COL4A1: variants seen among roughly 807,000 people sequenced by gnomAD.
COL4A1 encodes the protein collagen type IV alpha 1 chain, also known as collagen alpha-1(IV) chain.
A neutral mutation model predicts 216.6 loss-of-function variants in COL4A1; 40 were observed. The ratio of observed to expected loss-of-function variants is 0.18; its 90% CI spans 0.14 to 0.24. The LOEUF is 0.24. Ranked by LOEUF, COL4A1 falls within the 10% of genes least tolerant of loss-of-function variation. The pLI is 1.00. For synonymous variants in COL4A1, 839 were observed against 810.7 expected, an observed-to-expected ratio of 1.03 and a Z score of -0.59; for missense variants, 1,628 against 2,196.8, an observed-to-expected ratio of 0.74 and a Z score of 5.18.
chr13:110,275,931 G>A (rs1883410763), intron 1 of COL4A1, among the ~76,000 whole-genome samples: 2 of 152,140 alleles, frequency 1.3e-5, no homozygotes. Context: ...AATAGGCAGA[G>A]GATGGAGGAA....
In COL4A1 at chr13:110,192,262, G is replaced by A; in HGVS notation, c.1488C>T (p.Ala496=). 6.2e-7 allele frequency: 1 copy of A among 1,614,152 alleles called. No homozygotes were observed. Among genetic ancestry groups the A allele is most frequent in the Non-Finnish European group, 8.5e-7 (1 of 1,180,024 alleles). The change falls in exon 24 of 52, where the codon GCC becomes GCT. Residue 496 remains alanine (A), a synonymous_variant. Transcript: ENST00000375820. ...TGCCAGGCAAACCTCTGTCGCCCTTGGCCCCTGGCTGCCCTGGGAAACCTT... is the reference window on the plus strand; with the variant it reads ...TGCCAGGCAAACCTCTGTCGCCCTTAGCCCCTGGCTGCCCTGGGAAACCTT... The part of the protein sequence containing the change: ...GEIGFPGQPG[A]KGDRGLPGRD...
At chr13:110,186,192 C>T (rs903697358) in intron 26 of COL4A1, among the ~76,000 whole-genome samples, 193 bp downstream of exon 26, 1 of 152,186 alleles carries the variant, frequency 6.6e-6, no homozygotes, top group Admixed American at 6.5e-5. Flanking sequence ...ATTACCTGGC[C>T]CATCACATAC....
chr13:110,150,573 C>A (rs1876455455), intron 51 of COL4A1, 129 bp from the exon 52 acceptor site: 3 of 881,302 alleles, frequency 3.4e-6, no homozygotes, highest in South Asian at 2.8e-5. Flanking sequence ...CAACCTGGTA[C>A]CACCCAGTGA....
chr13:110,279,501 C>T (rs1161885724), intron 1 of COL4A1, among the ~76,000 whole-genome samples: 1 of 152,120 alleles, frequency 6.6e-6, no homozygotes, highest in Non-Finnish European at 1.5e-5. Flanking sequence ...TTGCTCAGTT[C>T]CCCATATCCT....
chr13:110,163,984 CTTTTTTT>C (rs58236306), intron 46 of COL4A1, among the ~76,000 whole-genome samples: 40,717 of 110,326 alleles, frequency 0.37, 5,589 homozygotes, highest in Middle Eastern at 0.41. Context: ...TTCTCTCTCT[CTTTTTTT>C]TTTTTTTTTT....
intron 1 of COL4A1, among the ~76,000 whole-genome samples, chr13:110,297,952 C>T (rs1206904534): frequency 1.3e-5 from 2 of 151,422 alleles, no homozygotes; most frequent in African/African-American, 2.4e-5. Context: ...GAGAAATGGG[C>T]CTTTGGTTAC....
intron 49 of COL4A1, among the ~76,000 whole-genome samples, chr13:110,160,033 TGGTA>T (rs1876995946): frequency 6.6e-6 from 1 of 152,152 alleles, no homozygotes. Flanking sequence ...ATGGCGGTGA[TGGTA>T]AAACAACACT....
At chr13:110,251,091 A>G (rs992575082) in intron 1 of COL4A1, among the ~76,000 whole-genome samples, 5 of 152,112 alleles carry the variant, frequency 3.3e-5, no homozygotes, top group Admixed American at 6.5e-5. Context: ...AAGAACAGCA[A>G]ATTTTACCCA....
At chr13:110,250,511 G>A (rs886829082) in intron 1 of COL4A1, among the ~76,000 whole-genome samples, 3 of 152,238 alleles carry the variant, frequency 2.0e-5, no homozygotes, top group Non-Finnish European at 2.9e-5. Context: ...CCCACTAAAC[G>A]GGGGTGGACA....
At chr13:110,241,336 G>C (rs981755303) in intron 2 of COL4A1, among the ~76,000 whole-genome samples, 23 of 152,176 alleles carry the variant, frequency 1.5e-4, no homozygotes, top group African/African-American at 5.3e-4. Context: ...CTTGGCTCCA[G>C]CCCTGCTGCT....
At chr13:110,177,058 A>G (rs1262532547) in intron 33 of COL4A1, 21 bp from the exon 34 acceptor site, 2 of 1,613,030 alleles carry the variant, frequency 1.2e-6, no homozygotes, top group Admixed American at 3.3e-5. Context: ...AAGAGAAGGC[A>G]CTGGTGAGCC....
In COL4A1 at chr13:110,167,213, T is replaced by C; in HGVS notation, c.3894A>G (p.Pro1298=). 1 of 1,613,958 alleles carries C rather than the reference T, an allele frequency of 6.2e-7. No homozygotes were observed. Among genetic ancestry groups the C allele is most frequent in the Non-Finnish European group, 8.5e-7 (1 of 1,179,838 alleles). Residue 1298 remains proline (P), a synonymous_variant, in exon 44 of 52, where the codon CCA becomes CCG. Transcript: ENST00000375820. ...FQGMPGIGGS[P]GITGSKGDMG... is the part of the protein sequence containing the mutation. ...TATCACCCTTAGAGCCTGTGATTCC[T>C]GGAGAGCCACCAATACCCTAGACAC...
intron 1 of COL4A1, among the ~76,000 whole-genome samples, chr13:110,258,375 T>C (rs1034534912): frequency 1.3e-5 from 2 of 151,908 alleles, no homozygotes; most frequent in African/African-American, 2.4e-5. Context: ...CCATCTCTAC[T>C]AAAAAAATAC....
intron 1 of COL4A1, among the ~76,000 whole-genome samples, chr13:110,289,324 G>A (rs1883987856): frequency 1.3e-5 from 2 of 152,166 alleles, no homozygotes; most frequent in African/African-American, 4.8e-5. Context: ...GCGACCAAGA[G>A]GAGACCCTTC....
At chr13:110,253,784 CGTATAAT>C (rs1882377227) in intron 1 of COL4A1, among the ~76,000 whole-genome samples, 1 of 89,156 alleles carries the variant, frequency 1.1e-5, no homozygotes, top group Non-Finnish European at 2.8e-5. Flanking sequence ...ATTATATATA[CGTATAAT>C]TATACGTATA....
At chr13:110,156,438 C>T (rs975543462) in intron 49 of COL4A1, among the ~76,000 whole-genome samples, 1 of 152,204 alleles carries the variant, frequency 6.6e-6, no homozygotes, top group Admixed American at 6.5e-5. Context: ...GGGCCTCCTG[C>T]GGGAAACTTG....
intron 44 of COL4A1, 152 bp from the exon 45 acceptor site, chr13:110,166,455 CCAT>C: frequency 2.8e-6 from 2 of 712,208 alleles, no homozygotes; most frequent in South Asian, 3.0e-5. Context: ...ATATGCATAC[CCAT>C]ATATACACAT....
At chr13:110,222,656 C>T (rs1880550036) in intron 2 of COL4A1, among the ~76,000 whole-genome samples, 1 of 145,272 alleles carries the variant, frequency 6.9e-6, no homozygotes, top group Non-Finnish European at 1.5e-5. Context: ...ACCTGTAGTC[C>T]CAGCTACTCG....
At position 110,242,689 on chromosome 13, in the gene COL4A1, C is replaced by A; in HGVS notation, c.130G>T (p.Val44Leu). The A allele has an allele frequency of 6.2e-7, 1 of 1,614,250 alleles. No homozygotes were observed. Among genetic ancestry groups the A allele is most frequent in the Non-Finnish European group, 8.5e-7 (1 of 1,180,056 alleles). The change falls in exon 2 of 52, where the codon GTG becomes TTG. Residue 44 changes from valine to leucine, a missense_variant. Val to Leu is a conservative substitution (Grantham distance 32). This residue lies in a region of COL4A1 where 74 missense variants were observed against 61.7 expected (regional missense o/e 1.20). Transcript: ENST00000375820. Reference protein sequence around the residue: ...SGCGKCDCHGVKGQKGERGLP... With the variant: ...SGCGKCDCHGLKGQKGERGLP... Reference sequence around the variant, plus strand: ...CGGCAACTCACCTTTTGTCCCTTCACTCCATGGCAGTCACATTTGCCACAG... The same window carrying A: ...CGGCAACTCACCTTTTGTCCCTTCAATCCATGGCAGTCACATTTGCCACAG...
Sources: allele counts gnomAD v4.1 joint callset (sites outside exome capture counted in the v4.1 genomes callset), GRCh38; gene constraint gnomAD v4.1.1; regional missense constraint gnomAD v4.1.1; transcripts MANE v1.5; gene names NCBI Gene and HGNC (gene_info 2026-07-23, HGNC 2026-07-21).